MAPRE3: variants seen among roughly 807,000 people sequenced by gnomAD.
MAPRE3 encodes the protein microtubule-associated protein RP/EB family member 3.
MAPRE3 carries 2 observed loss-of-function variants against 30.5 expected under a neutral mutation model. The ratio of observed to expected loss-of-function variants is 0.07; its 90% confidence interval spans 0.03 to 0.21. MAPRE3 has a LOEUF of 0.21. MAPRE3 is among the 10% of genes least tolerant of loss of function. The probability of loss-of-function intolerance (pLI) is 1.00; values close to 1 mark genes in which losing one functional copy is unlikely to be tolerated. For synonymous variants in MAPRE3, 110 were observed against 127.7 expected, an observed-to-expected ratio of 0.86 and a Z score of 0.93; for missense variants, 204 against 351.8, an observed-to-expected ratio of 0.58 and a Z score of 3.36.
intron 1 of MAPRE3, among the ~76,000 whole-genome samples, chr2:26,989,166 T>C (rs1572748174): frequency 1.3e-5 from 2 of 152,208 alleles, no homozygotes; most frequent in Non-Finnish European, 2.9e-5. Context: ...CACTGTGTGA[T>C]GGCATTCTGA....
At chr2:26,971,493 C>T (rs1030303386) in intron 1 of MAPRE3, among the ~76,000 whole-genome samples, 1 of 152,118 alleles carries the variant, frequency 6.6e-6, no homozygotes, top group Admixed American at 6.5e-5. Context: ...ACTGCCCGGC[C>T]GGTGTTGCGG....
At chr2:27,021,854 C>T (rs991739155) in intron 1 of MAPRE3, among the ~76,000 whole-genome samples, 2 of 152,192 alleles carry the variant, frequency 1.3e-5, no homozygotes, top group Non-Finnish European at 2.9e-5. Flanking sequence ...CTGAAGCCTT[C>T]GCTGACCCTG....
intron 1 of MAPRE3, among the ~76,000 whole-genome samples, chr2:26,973,652 T>G (rs1272367159): frequency 1.4e-5 from 2 of 147,588 alleles, no homozygotes; most frequent in African/African-American, 2.5e-5. Flanking sequence ...CTTCCCGGGG[T>G]TCACGCCATT....
At chr2:27,020,074 G>A (rs1276161264) in intron 1 of MAPRE3, among the ~76,000 whole-genome samples, 2 of 152,198 alleles carry the variant, frequency 1.3e-5, no homozygotes, top group Non-Finnish European at 2.9e-5. Flanking sequence ...CCACTGCGCA[G>A]GTCTGGGGCC....
At chr2:26,983,007 A>C (rs1340133769) in intron 1 of MAPRE3, among the ~76,000 whole-genome samples, 1 of 152,180 alleles carries the variant, frequency 6.6e-6, no homozygotes, top group Admixed American at 6.5e-5. Flanking sequence ...GTAGCATTGA[A>C]AATTAGGAAG....
At chr2:26,983,989 C>T (rs1431372928) in intron 1 of MAPRE3, among the ~76,000 whole-genome samples, 1 of 152,226 alleles carries the variant, frequency 6.6e-6, no homozygotes, top group Non-Finnish European at 1.5e-5. Context: ...AAAGAACTTC[C>T]TCAGATGACT....
intron 1 of MAPRE3, among the ~76,000 whole-genome samples, chr2:26,984,141 A>G (rs1485817529): frequency 1.3e-5 from 2 of 152,230 alleles, no homozygotes. Flanking sequence ...CAAAATCATT[A>G]CGACCTTGCC....
Position 27,024,124 on chromosome 2 carries a change from G to C in MAPRE3, c.296G>C (p.Gly99Ala). 1 of 1,613,926 alleles carries C rather than the reference G, an allele frequency of 6.2e-7. No individual in the cohort carries two copies. The highest frequency in any genetic ancestry group is 8.5e-7 in the Non-Finnish European group (1 of 1,179,780). Reference sequence around the variant, plus strand: ...ATTCCTGTAGAGAAATTAGTGAAAGGAAAATTCCAAGATAATTTTGAGTTT... The same window carrying C: ...ATTCCTGTAGAGAAATTAGTGAAAGCAAAATTCCAAGATAATTTTGAGTTT... ...KIIPVEKLVK[G>A]KFQDNFEFIQ... Residue 99 changes from glycine to alanine, a missense_variant, in exon 4 of 7, where the codon GGA (glycine) becomes GCA (alanine). Gly to Ala is a moderately conservative substitution (Grantham distance 60). Around this residue, in one of 5 missense-constraint regions of MAPRE3, gnomAD observed 101 missense variants for 205.4 expected, o/e 0.49. Transcript: ENST00000233121.
intron 1 of MAPRE3, among the ~76,000 whole-genome samples, chr2:26,977,753 C>T (rs1346802662): frequency 1.3e-5 from 2 of 152,202 alleles, no homozygotes; most frequent in Non-Finnish European, 2.9e-5. Flanking sequence ...GTTGGTAGGG[C>T]CTGGCCGGGC....
intron 1 of MAPRE3, among the ~76,000 whole-genome samples, chr2:26,971,797 G>C (rs1317845590): frequency 6.6e-6 from 1 of 152,096 alleles, no homozygotes; most frequent in African/African-American, 2.4e-5. Flanking sequence ...CATAACGTGT[G>C]CAGAGTTGAG....
chr2:26,981,555 G>A (rs745349453), intron 1 of MAPRE3, among the ~76,000 whole-genome samples: 1 of 152,138 alleles, frequency 6.6e-6, no homozygotes, highest in African/African-American at 2.4e-5. Flanking sequence ...TAATGTTTAC[G>A]TTTCTAACAC....
chr2:27,025,680 A>T lies in MAPRE3; in HGVS notation c.567A>T (p.Pro189=), dbSNP rs1477186825. 5 of 1,613,952 alleles carry T rather than the reference A, an allele frequency of 3.1e-6. No individual in the cohort carries two copies. Among genetic ancestry groups the T allele is most frequent in the Non-Finnish European group, 4.2e-6 (5 of 1,179,912 alleles). ...APPCILRKNP[P]SARNGGHETD... ...CCTGCATTCTCCGGAAGAATCCTCC[A>T]TCAGCCCGAAATGGCGGCCATGAGA... Residue 189 remains proline, a synonymous_variant, in exon 5 of 7, where the codon CCA becomes CCT. Coordinates refer to ENST00000233121, the MANE Select transcript of MAPRE3 (RefSeq NM_012326.4).
At chr2:27,021,331 G>A (rs761913817) in intron 1 of MAPRE3, among the ~76,000 whole-genome samples, 1 of 152,168 alleles carries the variant, frequency 6.6e-6, no homozygotes, top group South Asian at 2.1e-4. Context: ...GACTTGATAG[G>A]TGCATGAGGG....
chr2:27,008,718 TC>T (rs1666780507), intron 1 of MAPRE3, among the ~76,000 whole-genome samples: 1 of 152,046 alleles, frequency 6.6e-6, no homozygotes. Flanking sequence ...GAGCCAGACT[TC>T]CATGGACAAA....
intron 1 of MAPRE3, among the ~76,000 whole-genome samples, chr2:27,021,885 C>G (rs1367810387): frequency 2.0e-4 from 30 of 152,182 alleles, no homozygotes. Flanking sequence ...GCGCTCACAC[C>G]CTTCTTTGTG....
chr2:26,994,944 T>G (rs1203078070), intron 1 of MAPRE3, among the ~76,000 whole-genome samples: 2 of 151,784 alleles, frequency 1.3e-5, no homozygotes, highest in Admixed American at 6.6e-5. Context: ...TCAAGTGATC[T>G]TCCTGCCTCA....
chr2:26,994,396 G>A (rs1666410291), intron 1 of MAPRE3, among the ~76,000 whole-genome samples: 1 of 152,182 alleles, frequency 6.6e-6, no homozygotes, highest in African/African-American at 2.4e-5. Flanking sequence ...TCCACACCAT[G>A]GTTCAAGCTT....
intron 1 of MAPRE3, among the ~76,000 whole-genome samples, chr2:26,976,658 T>C (rs1232210375): frequency 6.6e-6 from 1 of 152,206 alleles, no homozygotes; most frequent in Non-Finnish European, 1.5e-5. Flanking sequence ...TTCATTTGCC[T>C]CAAGTAAATA....
chr2:27,026,483 A>AC lies in MAPRE3; in HGVS notation c.*135_*136insC, dbSNP rs1667247381. 1 of 746,910 alleles carries AC rather than the reference A, an allele frequency of 1.3e-6. No individual in the cohort carries two copies. Among genetic ancestry groups the AC allele is most frequent in the Non-Finnish European group, 2.1e-6 (1 of 470,186 alleles). The allele number at this position is 746,910 out of a possible 1,614,324, so 46.3% of individuals were successfully genotyped here. On this transcript the variant is annotated 3_prime_UTR_variant, in exon 7 of 7. Coordinates refer to ENST00000233121, the MANE Select transcript of MAPRE3 (RefSeq NM_012326.4). The stretch of plus-strand genomic sequence containing the variant: ...TGCTGCAGCACTGGGGAGCCAGGCG[A>AC]GGGGGGCTTGGGGGCATGGGGCCGG...
Sources: gnomAD v4.1 joint callset for allele counts (sites outside exome capture counted in the v4.1 genomes callset) on GRCh38, gnomAD v4.1.1 for gene constraint, gnomAD v4.1.1 regional missense constraint, MANE v1.5 for transcripts, NCBI Gene and HGNC (gene_info 2026-07-23, HGNC 2026-07-21) for gene names.